The following PDE8B variants were observed in gnomAD, a reference collection of about 807,000 sequenced individuals.
PDE8B encodes phosphodiesterase 8B.
A neutral mutation model predicts 101.3 loss-of-function variants in PDE8B; 26 were observed. The observed-to-expected ratio is 0.26, with a 90% confidence interval of 0.19 to 0.36. PDE8B has a LOEUF of 0.36. Ranked by LOEUF, PDE8B falls within the 10% of genes least tolerant of loss-of-function variation. The pLI is 1.00. For synonymous variants in PDE8B, 424 were observed against 429.3 expected, an observed-to-expected ratio of 0.99 and a Z score of 0.15; for missense variants, 810 against 1,163.1, an observed-to-expected ratio of 0.70 and a Z score of 4.42.
At chr5:77,365,202 AAAC>A (rs546965992) in intron 10 of PDE8B, among the ~76,000 whole-genome samples, 4 of 152,130 alleles carry the variant, frequency 2.6e-5, no homozygotes, top group Admixed American at 6.5e-5. Flanking sequence ...TTATCAAAGA[AAAC>A]AACAACAACA....
At chr5:77,293,554 G>T (rs952621438) in intron 1 of PDE8B, among the ~76,000 whole-genome samples, 1 of 152,182 alleles carries the variant, frequency 6.6e-6, no homozygotes. Flanking sequence ...TAAGGCACAG[G>T]TTCTGGAGTC....
the PDE8B span, among the ~76,000 whole-genome samples, chr5:77,189,790 A>C: frequency 6.6e-6 from 1 of 152,118 alleles, no homozygotes; most frequent in African/African-American, 2.4e-5. Context: ...GGGGTCTGAC[A>C]GTTTGTAGGA....
Position 77,409,059 on chromosome 5 carries a change from T to C in PDE8B, c.1530+2T>C. ...GATCTTGTTGGAGGCCTGATGACTG[T>C]GAGTGATGAGGCAAAACCTGAAAAG... On this transcript the variant is annotated splice_donor_variant, in intron 14 of 21. Coordinates refer to ENST00000264917, the MANE Select transcript of PDE8B (RefSeq NM_003719.5). LOFTEE classifies it high-confidence loss of function. The C allele has an allele frequency of 1.9e-6, 3 of 1,613,330 alleles. No homozygotes were observed. The highest frequency in any genetic ancestry group is 2.5e-6 in the Non-Finnish European group (3 of 1,179,340).
intron 1 of PDE8B, among the ~76,000 whole-genome samples, chr5:77,296,990 C>A (rs1335683438): frequency 6.6e-6 from 1 of 152,174 alleles, no homozygotes; most frequent in Non-Finnish European, 1.5e-5. Context: ...TTCATACTTA[C>A]ATATCCCAGA....
chr5:77,388,353 G>T (rs1789176854), intron 10 of PDE8B, among the ~76,000 whole-genome samples: 1 of 152,166 alleles, frequency 6.6e-6, no homozygotes, highest in Admixed American at 6.5e-5. Flanking sequence ...CCTGGAGTTT[G>T]CTGGAGATCC....
intron 1 of PDE8B, among the ~76,000 whole-genome samples, chr5:77,239,786 G>A (rs1755381924): frequency 6.6e-6 from 1 of 152,020 alleles, no homozygotes; most frequent in African/African-American, 2.4e-5. Context: ...ACACCTTCCT[G>A]TTCAGAGCTT....
At chr5:77,122,099 C>T in the PDE8B span, among the ~76,000 whole-genome samples, 1 of 152,236 alleles carries the variant, frequency 6.6e-6, no homozygotes, top group Non-Finnish European at 1.5e-5. Flanking sequence ...TTCCCTTAAC[C>T]TTAGCCAATT....
the PDE8B span, among the ~76,000 whole-genome samples, chr5:77,152,531 G>A: frequency 6.6e-6 from 1 of 152,174 alleles, no homozygotes; most frequent in Admixed American, 6.5e-5. Context: ...GAAGAAGGAC[G>A]GGGCAGTTTT....
intron 10 of PDE8B, among the ~76,000 whole-genome samples, chr5:77,364,693 G>A (rs544445449): frequency 4.6e-5 from 7 of 152,170 alleles, no homozygotes; most frequent in Admixed American, 1.3e-4. Context: ...AAACAAGATG[G>A]CTGCAGGATG....
At chr5:77,175,546 C>T in the PDE8B span, among the ~76,000 whole-genome samples, 1 of 152,176 alleles carries the variant, frequency 6.6e-6, no homozygotes, top group African/African-American at 2.4e-5. Flanking sequence ...GTGGACTCTG[C>T]CTCAGCTTCT....
At chr5:77,394,882 G>C (rs894135950) in intron 10 of PDE8B, among the ~76,000 whole-genome samples, 1 of 152,136 alleles carries the variant, frequency 6.6e-6, no homozygotes. Context: ...GGGCACTTTG[G>C]TCAATGTGTC....
chr5:77,404,676 C>A, intron 11 of PDE8B, 44 bp from the exon 12 acceptor site: 1 of 1,100,922 alleles, frequency 9.1e-7, no homozygotes, highest in Non-Finnish European at 1.4e-6. Flanking sequence ...TCTGTGAATA[C>A]ACGGAAAACT....
intron 1 of PDE8B, among the ~76,000 whole-genome samples, chr5:77,309,941 A>ACCCTTTT (rs772985826): frequency 3.6e-5 from 3 of 83,116 alleles, no homozygotes; most frequent in Admixed American, 1.6e-4. Flanking sequence ...TTAATCATTA[A>ACCCTTTT]TCTTTTTTTT....
intron 1 of PDE8B, among the ~76,000 whole-genome samples, chr5:77,255,170 G>T (rs945399974): frequency 6.6e-6 from 1 of 152,096 alleles, no homozygotes; most frequent in Non-Finnish European, 1.5e-5. Flanking sequence ...CCACACTTAG[G>T]GTGGTACACT....
the PDE8B span, among the ~76,000 whole-genome samples, chr5:77,187,544 T>G: frequency 1.3e-5 from 2 of 152,194 alleles, no homozygotes; most frequent in Non-Finnish European, 2.9e-5. Context: ...TGTCATTGTT[T>G]GATGGGCAGC....
At chr5:77,224,815 A>G (rs1293330093) in intron 1 of PDE8B, among the ~76,000 whole-genome samples, 1 of 152,158 alleles carries the variant, frequency 6.6e-6, no homozygotes. Context: ...TTGTTGAAGA[A>G]ACTGGGTCAT....
At chr5:77,298,407 A>G (rs1332054232) in intron 1 of PDE8B, among the ~76,000 whole-genome samples, 1 of 152,168 alleles carries the variant, frequency 6.6e-6, no homozygotes, top group Non-Finnish European at 1.5e-5. Flanking sequence ...TGGGGAGAAT[A>G]TTGTTACCCA....
At chr5:77,261,992 A>G (rs1409046000) in intron 1 of PDE8B, among the ~76,000 whole-genome samples, 1 of 152,194 alleles carries the variant, frequency 6.6e-6, no homozygotes, top group South Asian at 2.1e-4. Context: ...CTCCAGGGTA[A>G]AATAAATTGG....
At position 77,411,328 on chromosome 5, in the gene PDE8B, C is replaced by T. The variant is rs1166457191; in HGVS notation, c.1531-348C>T. ...GTCCCTCTGAGGGTGAGGGGGATCC[C>T]GTCAAGATCTGAAGCAAGGTCACTC... On this transcript the variant is annotated intron_variant, in intron 14 of 21. Coordinates refer to ENST00000264917, the MANE Select transcript of PDE8B (RefSeq NM_003719.5). 2.0e-5 allele frequency among the ~76,000 whole-genome samples: 3 copies of T among 152,224 alleles called. 1 individual carries two copies. Among genetic ancestry groups the T allele is most frequent in the Middle Eastern group, 6.8e-3 (2 of 294 alleles).
Sources: allele counts gnomAD v4.1 joint callset (sites outside exome capture counted in the v4.1 genomes callset), GRCh38; gene constraint gnomAD v4.1.1; transcripts MANE v1.5; gene names NCBI Gene and HGNC (gene_info 2026-07-23, HGNC 2026-07-21).